The following EGFL6 variants were observed in gnomAD, a reference collection of about 807,000 sequenced individuals.
EGFL6 encodes epidermal growth factor-like protein 6.
In EGFL6, 42 loss-of-function variants were observed where a neutral mutation model predicts 43.1. The ratio of observed to expected loss-of-function variants is 0.98; its 90% CI spans 0.76 to 1.26. EGFL6 has a LOEUF of 1.26. Ranked by LOEUF, EGFL6 falls within the 50% of genes most tolerant of loss-of-function variation. The probability of loss-of-function intolerance (pLI) is 0.00; values close to 1 mark genes in which losing one functional copy is unlikely to be tolerated. For missense variants in EGFL6, 429 were observed against 427.8 expected (o/e 1.00, Z -0.02); for synonymous variants, 164 against 163.2 (o/e 1.01, Z -0.04).
intron 11 of EGFL6, among the ~76,000 whole-genome samples, chrX:13,632,510 TAG>T (rs1485806495): frequency 4.3e-4 from 47 of 108,657 alleles, no homozygotes; most frequent in African/African-American, 1.5e-3. Context: ...CACTGTGTGT[TAG>T]CCAGGATGAT....
At chrX:13,597,981 T>C (rs779946371) in intron 3 of EGFL6, among the ~76,000 whole-genome samples, 14 of 112,001 alleles carry the variant, frequency 1.2e-4, no homozygotes, top group Non-Finnish European at 2.3e-4. Flanking sequence ...AGTGGTCCAG[T>C]TGGATCAAGT....
chrX:13,625,885 C>CA (rs755901799), intron 10 of EGFL6, among the ~76,000 whole-genome samples: 1,222 of 30,782 alleles, frequency 0.04, 82 homozygotes, highest in African/African-American at 0.12. Flanking sequence ...GACCCTGCCT[C>CA]AAAAAAAAAA....
intron 11 of EGFL6, among the ~76,000 whole-genome samples, chrX:13,630,297 T>C (rs930947948): frequency 1.8e-5 from 2 of 111,576 alleles, no homozygotes; most frequent in Admixed American, 9.5e-5. Flanking sequence ...TTGGGGGGGA[T>C]AGAGGAGGTA....
intron 1 of EGFL6, among the ~76,000 whole-genome samples, chrX:13,576,535 G>A (rs1297739107): frequency 1.8e-5 from 2 of 111,926 alleles, no homozygotes; most frequent in Non-Finnish European, 3.8e-5. Context: ...CCACATCCTG[G>A]AAGTGTTGCA....
Position 13,627,090 on chromosome X carries a change from C to T in EGFL6, c.1365C>T (p.Asp455=), listed in dbSNP as rs1180777311. The change falls in exon 11 of 12, where the codon GAC becomes GAT. Residue 455 remains aspartate (D), a synonymous_variant. Transcript: ENST00000361306. ...GCCGATTGAAACTTCTCCTACCTGA[C>T]CTGCAACCCCAAAGCAACTTCTGTT... ...DIGRLKLLLP[D]LQPQSNFCLL... The T allele has an allele frequency of 2.5e-6, 3 of 1,210,715 alleles. No homozygotes were observed. The highest frequency in any genetic ancestry group is 3.4e-6 in the Non-Finnish European group (3 of 895,409).
At chrX:13,619,307 A>G (rs2045737226) in intron 9 of EGFL6, 64 bp downstream of exon 9, 1 of 955,580 alleles carries the variant, frequency 1.0e-6, no homozygotes, top group African/African-American at 1.9e-5. Context: ...TCATTTCTTC[A>G]TACAGTGAAA....
rs746373967 is a variant in EGFL6, at chrX:13,597,636, T to A, written c.281-2339T>A. Among the ~76,000 whole-genome samples, 6 of 111,071 alleles carry A rather than the reference T, an allele frequency of 5.4e-5. 1 individual carries two copies. The highest frequency in any genetic ancestry group is 2.0e-4 in the African/African-American group (6 of 30,535). ...CCATCTCTACTAAAAATACAAAAATTAGCCAGGCGTGGTGGCGAATGCCTG... is the reference window on the plus strand; with the variant it reads ...CCATCTCTACTAAAAATACAAAAATAAGCCAGGCGTGGTGGCGAATGCCTG... On this transcript the variant is annotated intron_variant, in intron 3 of 11. Transcript: ENST00000361306.
At chrX:13,590,660 A>G (rs763701223) in intron 2 of EGFL6, among the ~76,000 whole-genome samples, 1 of 112,256 alleles carries the variant, frequency 8.9e-6, no homozygotes, top group East Asian at 2.8e-4. Flanking sequence ...GATTGACCAT[A>G]AGTGGGGTCA....
At chrX:13,602,580 T>C (rs1199170838) in intron 4 of EGFL6, among the ~76,000 whole-genome samples, 1 of 111,448 alleles carries the variant, frequency 9.0e-6, no homozygotes, top group Non-Finnish European at 1.9e-5. Flanking sequence ...ACATGGAAAA[T>C]AGACAAAACT....
At position 13,619,260 on chromosome X, in the gene EGFL6, C is replaced by T. The variant is rs766654733; in HGVS notation, c.1183+17C>T. 3.4e-6 allele frequency: 4 copies of T among 1,170,100 alleles called. No homozygotes were observed. Among genetic ancestry groups the T allele is most frequent in the Non-Finnish European group, 4.7e-6 (4 of 858,729 alleles). ...AACATAAAGGTAAATAATTCTTTCTCCCAAGTGTATGCTCTTTCATGTTGT... is the reference window on the plus strand; with the variant it reads ...AACATAAAGGTAAATAATTCTTTCTTCCAAGTGTATGCTCTTTCATGTTGT... On this transcript the variant is annotated intron_variant, in intron 9 of 11. Transcript: ENST00000361306.
At chrX:13,621,721 T>C (rs889742034) in intron 9 of EGFL6, among the ~76,000 whole-genome samples, 5 of 112,388 alleles carry the variant, frequency 4.4e-5, no homozygotes, top group Non-Finnish European at 5.6e-5. Flanking sequence ...CAGAGAGCTG[T>C]GAGTGTTTCC....
At chrX:13,626,813 A>G (rs903951799) in intron 10 of EGFL6, among the ~76,000 whole-genome samples, 198 bp from the exon 11 acceptor site, 6 of 112,701 alleles carry the variant, frequency 5.3e-5, no homozygotes, top group Non-Finnish European at 7.5e-5. Context: ...CAATTTGTCT[A>G]TATAACAAAA....
intron 9 of EGFL6, among the ~76,000 whole-genome samples, chrX:13,622,702 C>T (rs2045754931): frequency 2.7e-5 from 3 of 112,279 alleles, no homozygotes; most frequent in South Asian, 3.6e-4. Flanking sequence ...TATTCAACTC[C>T]GTCATTGTAG....
At chrX:13,585,497 A>G (rs1199612468) in intron 1 of EGFL6, among the ~76,000 whole-genome samples, 11 of 111,407 alleles carry the variant, frequency 9.9e-5, no homozygotes. Flanking sequence ...TGCCAGGATT[A>G]TAAGTGTATC....
At chrX:13,618,285 G>T (rs1333253141) in intron 8 of EGFL6, among the ~76,000 whole-genome samples, 1 of 111,837 alleles carries the variant, frequency 8.9e-6, no homozygotes. Context: ...CTACTTGGGG[G>T]GTTTCCTATT....
rs1344681834 is a variant in EGFL6 at position 13,606,469 on chromosome X, T to C, written c.611T>C (p.Ile204Thr). 1 of 1,211,058 alleles carries C rather than the reference T, an allele frequency of 8.3e-7. No homozygotes were observed. Among genetic ancestry groups the C allele is most frequent in the South Asian group, 1.8e-5 (1 of 56,951 alleles). Reference protein sequence around the residue: ...TFGSYYCKCHIGFELQYISGR... With the variant: ...TFGSYYCKCHTGFELQYISGR... ...GGAAGCTACTACTGCAAATGTCACATTGGTTTCGAACTGCAATATATCAGT... is the reference window on the plus strand; with the variant it reads ...GGAAGCTACTACTGCAAATGTCACACTGGTTTCGAACTGCAATATATCAGT... Residue 204 changes from isoleucine (I) to threonine (T), a missense_variant, in exon 6 of 12, where the codon ATT (isoleucine) becomes ACT (threonine). Physicochemically the swap from Ile to Thr is moderately conservative, Grantham distance 89. Coordinates refer to ENST00000361306, the MANE Select transcript of EGFL6 (RefSeq NM_015507.4).
Position 13,627,249 on chromosome X carries a change from G to T in EGFL6, c.1524G>T (p.Leu508Phe), listed in dbSNP as rs34550481. Residue 508 changes from leucine to phenylalanine, a missense_variant, in exon 11 of 12, where the codon TTG becomes TTT. Coordinates refer to ENST00000361306, the MANE Select transcript of EGFL6 (RefSeq NM_015507.4). The part of the protein sequence containing the change: ...DEKWKTGKIQ[L>F]YQGTDATKSI... ...AGTGGAAGACAGGGAAAATTCAGTTGTATCAAGGAACTGATGCTACCAAAA... is the reference window on the plus strand; with the variant it reads ...AGTGGAAGACAGGGAAAATTCAGTTTTATCAAGGAACTGATGCTACCAAAA... 2.7e-3 allele frequency: 3,298 copies of T among 1,208,918 alleles called. 56 individuals are homozygous for T. The African/African-American group carries it at 0.051, about 19-fold the overall frequency.
chrX:13,589,701 G>T (rs749147323), intron 2 of EGFL6, 33 bp downstream of exon 2: 1 of 1,131,976 alleles, frequency 8.8e-7, no homozygotes, highest in Non-Finnish European at 1.2e-6. Flanking sequence ...CCTGCACTTG[G>T]ATCAGGGCCC....
chrX:13,569,721 A>T lies in EGFL6; in HGVS notation c.-141A>T. 1 of 599,819 alleles carries T rather than the reference A, an allele frequency of 1.7e-6. No individual in the cohort carries two copies. Among genetic ancestry groups the T allele is most frequent in the Non-Finnish European group, 2.6e-6 (1 of 381,764 alleles). The allele number at this position is 599,819 out of a possible 1,213,427, so 49.4% of individuals were successfully genotyped here. A position where few individuals can be genotyped will look rare whatever the true frequency, so the allele number is the denominator to read the frequency against. ...TGCCTGGCCTCCCCTCCCAGACTGC[A>T]GGGACAGCACCCGGTAACTGCGAGT... On this transcript the variant is annotated 5_prime_UTR_variant, in exon 1 of 12. Coordinates refer to ENST00000361306, the MANE Select transcript of EGFL6 (RefSeq NM_015507.4).
Sources: gnomAD v4.1 joint callset for allele counts (sites outside exome capture counted in the v4.1 genomes callset) on GRCh38, gnomAD v4.1.1 for gene constraint, MANE v1.5 for transcripts, NCBI Gene and HGNC (gene_info 2026-07-23, HGNC 2026-07-21) for gene names.